The following ODC1 variants were observed in gnomAD, a reference collection of about 807,000 sequenced individuals.
ODC1 encodes ornithine decarboxylase.
Under a neutral mutation model 41.5 loss-of-function variants are expected in ODC1, and 18 were observed. The observed-to-expected ratio is 0.43, with a 90% CI of 0.30 to 0.64. The LOEUF is 0.64. Among genes scored for constraint, ODC1 ranks in the 30% least tolerant of loss-of-function variants. ODC1 has a pLI of 0.11. For missense variants in ODC1, 504 were observed against 589.0 expected (o/e 0.86, Z 1.49); for synonymous variants, 218 against 211.6 (o/e 1.03, Z -0.26).
intron 1 of ODC1, among the ~76,000 whole-genome samples, chr2:10,445,889 G>T (rs1448185998): frequency 6.6e-6 from 1 of 152,148 alleles, no homozygotes; most frequent in African/African-American, 2.4e-5. Context: ...ACCCGCCTCG[G>T]TCTTCCAAAG....
chr2:10,441,524 A>G lies in ODC1; in HGVS notation c.1226T>C (p.Met409Thr). 6.2e-7 allele frequency: 1 copy of G among 1,614,070 alleles called. No homozygotes were observed. The highest frequency in any genetic ancestry group is 8.5e-7 in the Non-Finnish European group (1 of 1,179,978). ...GFQRPTIYYVMSGPAWQLMQQ... is the reference protein window; with the variant it reads ...GFQRPTIYYVTSGPAWQLMQQ... ...GCTTACTTACCACGCAGGCCCTGAC[A>G]TCACATAGTAGATCGTCGGCCTCTG... The change falls in exon 11 of 12, where the codon ATG becomes ACG. Residue 409 changes from methionine (M) to threonine (T), a missense_variant. Transcript: ENST00000234111.
chr2:10,444,657 G>A lies in ODC1; in HGVS notation c.103-10C>T, dbSNP rs367991974. 9 of 1,608,224 alleles carry A rather than the reference G, an allele frequency of 5.6e-6. No individual in the cohort carries two copies. In the African/African-American group the frequency reaches 1.2e-4, roughly 21 times the overall value. The stretch of plus-strand genomic sequence containing the variant: ...AGGCATCCTTATCATCCTGAAACAA[G>A]AGTGGTCACAGGTGACTCACTAGCA... On this transcript the variant is annotated splice_polypyrimidine_tract_variant and intron_variant, in intron 3 of 11. Transcript: ENST00000234111.
Position 10,445,192 on chromosome 2 carries a change from C to T in ODC1, c.-55G>A. On this transcript the variant is annotated 5_prime_UTR_variant, in exon 2 of 12. Transcript: ENST00000234111. ...GAGATGGAATTGAAAGAAATATTTC[C>T]AGCTTCTCACAAAGGCAACTCTCCA... The T allele has an allele frequency of 1.8e-6, 1 of 561,448 alleles. No homozygotes were observed. Among genetic ancestry groups the T allele is most frequent in the Non-Finnish European group, 3.2e-6 (1 of 314,882 alleles). 34.8% of individuals were successfully genotyped at this position (561,448 alleles called of 1,614,324 possible).
At chr2:10,446,133 T>C (rs938296344) in intron 1 of ODC1, among the ~76,000 whole-genome samples, 4 of 58,134 alleles carry the variant, frequency 6.9e-5, no homozygotes, top group African/African-American at 6.3e-4. Context: ...GAATTCAGTA[T>C]TTTTTTTTTT....
intron 9 of ODC1, 35 bp from the exon 10 acceptor site, chr2:10,441,964 TG>T: frequency 6.2e-7 from 1 of 1,613,462 alleles, no homozygotes. Flanking sequence ...AATGACTTTT[TG>T]CATCAGCTTT....
In ODC1 at chr2:10,448,300, G is replaced by A. The variant is rs551085591; in HGVS notation, c.-307C>T. ...TGCTGGCAGAGGGGCGGCGGGCGGC[G>A]GCGGCGGCGGCTACAGGAGGGACTG... On this transcript the variant is annotated 5_prime_UTR_variant, in exon 1 of 12. Coordinates refer to ENST00000234111, the MANE Select transcript of ODC1 (RefSeq NM_002539.3). 37 of 253,122 alleles carry A rather than the reference G, an allele frequency of 1.5e-4. No homozygotes were observed. In the Admixed American group the frequency reaches 1.8e-3, roughly 12 times the overall value. The allele number at this position is 253,122 out of a possible 1,614,324, so 15.7% of individuals were successfully genotyped here. A position where few individuals can be genotyped will look rare whatever the true frequency, so the allele number is the denominator to read the frequency against.
At chr2:10,447,231 TAA>T (rs894966198) in intron 1 of ODC1, among the ~76,000 whole-genome samples, 1 of 152,222 alleles carries the variant, frequency 6.6e-6, no homozygotes, top group African/African-American at 2.4e-5. Flanking sequence ...CTGTAACAGC[TAA>T]GTTATTTAAA....
rs1209529659 is a variant in ODC1, at chr2:10,443,560, C to G, written c.596G>C (p.Gly199Ala). Residue 199 changes from glycine to alanine, a missense_variant, in exon 7 of 12, where the codon GGA becomes GCA. By Grantham distance (60) the Gly-to-Ala change is moderately conservative. Transcript: ENST00000234111. ...GGTCTCAGGATCGGTACAGCCGCTT[C>G]CTACATGGAAGCTGGGGTAAAATAA... ...IDVVGVSFHVGSGCTDPETFV... is the reference protein window; with the variant it reads ...IDVVGVSFHVASGCTDPETFV... 1 of 1,613,474 alleles carries G rather than the reference C, an allele frequency of 6.2e-7. No homozygotes were observed. The highest frequency in any genetic ancestry group is 1.1e-5 in the South Asian group (1 of 91,080).
At chr2:10,442,717 C>CTT (rs200858806) in intron 8 of ODC1, among the ~76,000 whole-genome samples, 1 of 145,842 alleles carries the variant, frequency 6.9e-6, no homozygotes, top group Admixed American at 6.8e-5. Flanking sequence ...CATGCTTTTT[C>CTT]TTTTTTTTTT....
intron 1 of ODC1, 67 bp downstream of exon 1, chr2:10,448,054 G>GGCCCGCA (rs1672095052): frequency 6.4e-6 from 1 of 157,390 alleles, no homozygotes; most frequent in Non-Finnish European, 1.4e-5. Context: ...CGGGGCCCGG[G>GGCCCGCA]GCCCGCAGCC....
chr2:10,443,183 AATTT>A, intron 8 of ODC1, 43 bp downstream of exon 8: 1 of 1,434,638 alleles, frequency 7.0e-7, no homozygotes, highest in Non-Finnish European at 9.7e-7. Context: ...TCCAAAAAGG[AATTT>A]ATTAGAACGG....
At position 10,440,064 on chromosome 2, in the gene ODC1, G is replaced by A. The variant is rs779664253; in HGVS notation, c.*660C>T. 1 of 152,282 alleles carries A rather than the reference G, an allele frequency of 6.6e-6. No individual in the cohort carries two copies. The highest frequency in any genetic ancestry group is 2.4e-5 in the African/African-American group (1 of 41,444). The allele number at this position is 152,282 out of a possible 1,614,324, so 9.4% of individuals were successfully genotyped here. A position where few individuals can be genotyped will look rare whatever the true frequency, so the allele number is the denominator to read the frequency against. On this transcript the variant is annotated 3_prime_UTR_variant, in exon 12 of 12. Transcript: ENST00000234111. ...TTCTCACAGGCATGAAGGTGGGAGG[G>A]GACACGGATGGTCTCTGCAGGCCAG...
Position 10,444,637 on chromosome 2 carries a change from T to C in ODC1, c.113A>G (p.Asp38Gly). ...INEVSSSDDK[D>G]AFYVADLGDI... Reference sequence around the variant, plus strand: ...TCCCAGGTCTGCCACATAGAAGGCATCCTTATCATCCTGAAACAAGAGTGG... The same window carrying C: ...TCCCAGGTCTGCCACATAGAAGGCACCCTTATCATCCTGAAACAAGAGTGG... The change falls in exon 4 of 12, where the codon GAT becomes GGT. Residue 38 changes from aspartate to glycine, a missense_variant. Asp to Gly is a moderately conservative substitution (Grantham distance 94). Coordinates refer to ENST00000234111, the MANE Select transcript of ODC1 (RefSeq NM_002539.3). 2 of 1,612,184 alleles carry C rather than the reference T, an allele frequency of 1.2e-6. No individual in the cohort carries two copies. The highest frequency in any genetic ancestry group is 1.7e-6 in the Non-Finnish European group (2 of 1,178,994).
chr2:10,441,616 A>G lies in ODC1; in HGVS notation c.1134T>C (p.Gly378=). The G allele has an allele frequency of 6.2e-7, 1 of 1,614,074 alleles. No individual in the cohort carries two copies. The highest frequency in any genetic ancestry group is 1.1e-5 in the South Asian group (1 of 91,070). ...CCATGTTTTCAAAGAGCATCCAATC[A>G]CCCACATGCATTTCAGGCAGGTCAC... ...ERCDLPEMHV[G]DWMLFENMGA... Residue 378 remains glycine, a synonymous_variant, in exon 11 of 12, where the codon GGT becomes GGC. Transcript: ENST00000234111.
In ODC1 at chr2:10,443,591, C is replaced by CGA; in HGVS notation, c.585-22_585-21dup. 6.2e-7 allele frequency: 1 copy of CGA among 1,611,350 alleles called. No homozygotes were observed. On this transcript the variant is annotated intron_variant, in intron 6 of 11. Transcript: ENST00000234111. ...TGGAAGCTGGGGTAAAATAAAGAGA[C>CGA]GAGACACTGTGTCTTAGTATTTCTT... is the stretch of plus-strand genomic sequence containing the variant.
rs1671784650 is a variant in ODC1 at position 10,440,493 on chromosome 2, CTT to C, written c.*229_*230del. On this transcript the variant is annotated 3_prime_UTR_variant, in exon 12 of 12. Coordinates refer to ENST00000234111, the MANE Select transcript of ODC1 (RefSeq NM_002539.3). ...GCTTGTTCAGCAGCTGAGGGGCACT[CTT>C]GAGTAGCGTGTCTGAAGAGTGAATA... 2 of 420,542 alleles carry C rather than the reference CTT, an allele frequency of 4.8e-6. No homozygotes were observed. Among genetic ancestry groups the C allele is most frequent in the Non-Finnish European group, 4.2e-6 (1 of 235,768 alleles). The allele number at this position is 420,542 out of a possible 1,614,324, so 26.1% of individuals were successfully genotyped here.
At position 10,444,562 on chromosome 2, in the gene ODC1, G is replaced by A; in HGVS notation, c.188C>T (p.Thr63Ile). 1 of 1,614,066 alleles carries A rather than the reference G, an allele frequency of 6.2e-7. No individual in the cohort carries two copies. The highest frequency in any genetic ancestry group is 2.2e-5 in the East Asian group (1 of 44,884). The change falls in exon 4 of 12, where the codon ACC becomes ATC. Residue 63 changes from threonine to isoleucine, a missense_variant. By Grantham distance (89) the Thr-to-Ile change is moderately conservative. Transcript: ENST00000234111. Reference sequence around the variant, plus strand: ...ATTACATTTGACTGCATAAAAGGGGGTGACACGAGGGAGAGCTTTTAACCA... The same window carrying A: ...ATTACATTTGACTGCATAAAAGGGGATGACACGAGGGAGAGCTTTTAACCA... ...LRWLKALPRV[T>I]PFYAVKCNDS...
Position 10,441,709 on chromosome 2 carries a change from A to G in ODC1, c.1041T>C (p.Asp347=), listed in dbSNP as rs1572142153. The G allele has an allele frequency of 6.2e-7, 1 of 1,614,068 alleles. No individual in the cohort carries two copies. The highest frequency in any genetic ancestry group is 8.5e-7 in the Non-Finnish European group (1 of 1,179,920). The change falls in exon 11 of 12, where the codon GAT becomes GAC. Residue 347 remains aspartate (D), a synonymous_variant. Transcript: ENST00000234111. ...KPLLQKRPKP[D]EKYYSSSIWG... ...ATATGCTGGATGAATAATACTTCTC[A>G]TCTGGTTTAGGTCTCTATATAAAGA...
chr2:10,442,281 AACAG>A lies in ODC1; in HGVS notation c.751-111_751-108del. Reference sequence around the variant, plus strand: ...ACATGACATCATGAGACCAGGCATCAACAGACAGGTTTATCATTAAAGTAACAAA... The same window carrying A: ...ACATGACATCATGAGACCAGGCATCAACAGGTTTATCATTAAAGTAACAAA... On this transcript the variant is annotated intron_variant, in intron 8 of 11. Transcript: ENST00000234111. The A allele has an allele frequency of 4.4e-6, 5 of 1,142,114 alleles. No individual in the cohort carries two copies. The South Asian group carries it at 8.5e-5, about 19-fold the overall frequency. 70.7% of individuals were successfully genotyped at this position (1,142,114 alleles called of 1,614,324 possible).
Sources: gnomAD v4.1 joint callset for allele counts (sites outside exome capture counted in the v4.1 genomes callset) on GRCh38, gnomAD v4.1.1 for gene constraint, MANE v1.5 for transcripts, NCBI Gene and HGNC (gene_info 2026-07-23, HGNC 2026-07-21) for gene names.